Variants in FNBP1 observed in about 807,000 individuals in gnomAD.
FNBP1 encodes the protein formin-binding protein 1.
A neutral mutation model predicts 90.6 loss-of-function variants in FNBP1; 26 were observed. That is an observed-to-expected ratio of 0.29 (90% CI 0.21 to 0.40). The LOEUF (loss-of-function observed/expected upper bound fraction) is 0.40. Among genes scored for constraint, FNBP1 ranks in the 10% least tolerant of loss-of-function variants. The pLI is 1.00. For missense variants in FNBP1, 635 were observed against 768.0 expected (o/e 0.83, Z 2.05); for synonymous variants, 260 against 265.2 (o/e 0.98, Z 0.19).
chr9:130,028,331 T>A lies in FNBP1; in HGVS notation c.24+14621A>T, dbSNP rs531387959. On this transcript the variant is annotated intron_variant, in intron 1 of 16. Transcript: ENST00000446176. Reference sequence around the variant, plus strand: ...ACAACAGAAATCTCAGTCAACAAGGTGTGAACTGAGTAATTCTAAACTTTC... The same window carrying A: ...ACAACAGAAATCTCAGTCAACAAGGAGTGAACTGAGTAATTCTAAACTTTC... Among the ~76,000 whole-genome samples, 7 of 152,286 alleles carry A rather than the reference T, an allele frequency of 4.6e-5. No homozygotes were observed. The East Asian group carries it at 1.4e-3, about 29-fold the overall frequency.
At chr9:129,937,752 A>C (rs1164939355) in intron 6 of FNBP1, among the ~76,000 whole-genome samples, 1 of 152,176 alleles carries the variant, frequency 6.6e-6, no homozygotes, top group Admixed American at 6.6e-5. Context: ...GAATTTTTAA[A>C]GTTTATCAGA....
intron 4 of FNBP1, among the ~76,000 whole-genome samples, chr9:129,969,060 C>A (rs2049040204): frequency 6.6e-6 from 1 of 152,208 alleles, no homozygotes; most frequent in African/African-American, 2.4e-5. Context: ...AAACTCTTTT[C>A]TTCAATAACT....
chr9:129,942,001 G>A (rs1240019615), intron 6 of FNBP1, among the ~76,000 whole-genome samples: 1 of 151,822 alleles, frequency 6.6e-6, no homozygotes. Context: ...AACCTGGGAG[G>A]CGGAGGTTGT....
At chr9:130,043,589 C>T (rs1200212410), upstream of FNBP1, among the ~76,000 whole-genome samples, 2 of 152,254 alleles carry the variant, frequency 1.3e-5, no homozygotes, top group African/African-American at 4.8e-5. Context: ...GCGCGCCGAG[C>T]AGAGTCAGCC....
intron 1 of FNBP1, among the ~76,000 whole-genome samples, chr9:130,025,191 T>C (rs934679727): frequency 4.6e-5 from 7 of 151,064 alleles, no homozygotes; most frequent in Admixed American, 3.3e-4. Flanking sequence ...AAAAAAAAAA[T>C]AGTCCCTGAC....
chr9:129,922,262 C>T (rs924763821), intron 10 of FNBP1, among the ~76,000 whole-genome samples: 12 of 152,306 alleles, frequency 7.9e-5, no homozygotes, highest in Middle Eastern at 3.4e-3. Context: ...TCTCTGTAAA[C>T]GAAACTGGTA....
chr9:129,930,976 TTTTTG>T (rs1357678937), intron 6 of FNBP1, among the ~76,000 whole-genome samples: 1 of 152,188 alleles, frequency 6.6e-6, no homozygotes, highest in Non-Finnish European at 1.5e-5. Flanking sequence ...TGTTTGCTTG[TTTTTG>T]TTTTGTTTTA....
intron 12 of FNBP1, among the ~76,000 whole-genome samples, chr9:129,905,689 T>TG (rs2037900386): frequency 6.6e-6 from 1 of 152,174 alleles, no homozygotes; most frequent in Non-Finnish European, 1.5e-5. Flanking sequence ...CTAAGTGAGC[T>TG]AAGGCTCAGT....
At chr9:130,027,282 C>T (rs1006844517) in intron 1 of FNBP1, among the ~76,000 whole-genome samples, 3 of 152,048 alleles carry the variant, frequency 2.0e-5, no homozygotes, top group Non-Finnish European at 4.4e-5. Context: ...AGACATTAAG[C>T]CATCATGAAG....
intron 4 of FNBP1, among the ~76,000 whole-genome samples, chr9:129,959,123 G>C (rs2047409297): frequency 6.6e-6 from 1 of 151,822 alleles, no homozygotes; most frequent in African/African-American, 2.4e-5. Flanking sequence ...TACAGCTTTA[G>C]GTACAACTGT....
At chr9:129,907,084 C>CA (rs1271858546) in intron 12 of FNBP1, among the ~76,000 whole-genome samples, 11 of 52,192 alleles carry the variant, frequency 2.1e-4, no homozygotes, top group African/African-American at 6.5e-4. Context: ...GGCCCAAGCA[C>CA]GTTTTTTTTT....
intron 10 of FNBP1, chr9:129,916,254 G>C (rs1487319824): frequency 2.2e-6 from 1 of 463,908 alleles, no homozygotes; most frequent in Admixed American, 3.7e-5. Flanking sequence ...TTACAGGCCT[G>C]TACTGGCCAC....
intron 1 of FNBP1, among the ~76,000 whole-genome samples, chr9:130,017,970 G>A (rs2057423312): frequency 7.5e-6 from 1 of 133,458 alleles, no homozygotes; most frequent in Non-Finnish European, 1.6e-5. Flanking sequence ...CTGGAGTGCA[G>A]CGGTGCAATC....
intron 4 of FNBP1, among the ~76,000 whole-genome samples, chr9:129,961,181 C>T (rs1257557275): frequency 2.0e-5 from 3 of 151,956 alleles, no homozygotes; most frequent in Non-Finnish European, 4.4e-5. Flanking sequence ...GGCATGGTGG[C>T]GCATGCCTGT....
In FNBP1 at chr9:129,927,341, T is replaced by G; in HGVS notation, c.643A>C (p.Lys215Gln). Reference protein sequence around the residue: ...YHTHIPNIFQKIQEMEERRIV... With the variant: ...YHTHIPNIFQQIQEMEERRIV... The stretch of plus-strand genomic sequence containing the variant: ...CTCCTTTCCTCCATCTCTTGTATTT[T>G]CTGCAACATTAGATTTTGTATAAAG... Residue 215 changes from lysine (K) to glutamine (Q), a missense_variant and splice_region_variant, in exon 8 of 17, where the codon AAA (lysine) becomes CAA (glutamine). Coordinates refer to ENST00000446176, the MANE Select transcript of FNBP1 (RefSeq NM_015033.3). The G allele has an allele frequency of 6.2e-7, 1 of 1,609,468 alleles. No individual in the cohort carries two copies. Among genetic ancestry groups the G allele is most frequent in the South Asian group, 1.1e-5 (1 of 90,024 alleles).
intron 4 of FNBP1, among the ~76,000 whole-genome samples, chr9:129,971,181 G>A (rs990064942): frequency 1.3e-5 from 2 of 151,862 alleles, no homozygotes; most frequent in East Asian, 1.9e-4. Context: ...GTGAGCCACC[G>A]CGCCTGGCCG....
rs1182327700 is a variant in FNBP1 at position 129,979,384 on chromosome 9, A to C, written c.141-10T>G. 2.5e-6 allele frequency: 4 copies of C among 1,582,940 alleles called. No individual in the cohort carries two copies. Among genetic ancestry groups the C allele is most frequent in the Non-Finnish European group, 3.5e-6 (4 of 1,153,424 alleles). On this transcript the variant is annotated splice_polypyrimidine_tract_variant and intron_variant, in intron 2 of 16. Coordinates refer to ENST00000446176, the MANE Select transcript of FNBP1 (RefSeq NM_015033.3). ...CTTCTTTGAAAGATTCCTGAAATAA[A>C]AATGCAGACATGTCAGCTTTATATA... is the stretch of plus-strand genomic sequence containing the variant.
At chr9:129,999,238 T>C (rs1490475724) in intron 1 of FNBP1, among the ~76,000 whole-genome samples, 1 of 152,160 alleles carries the variant, frequency 6.6e-6, no homozygotes, top group Admixed American at 6.6e-5. Flanking sequence ...TCATCAAAAA[T>C]GCATCCCTTC....
Position 129,929,433 on chromosome 9 carries a change from A to ATT in FNBP1, c.642+133_642+134insAA. 18 of 778,312 alleles carry ATT rather than the reference A, an allele frequency of 2.3e-5. No individual in the cohort carries two copies. The South Asian group carries it at 3.7e-4, about 16-fold the overall frequency. 48.2% of individuals were successfully genotyped at this position (778,312 alleles called of 1,614,324 possible). A position where few individuals can be genotyped will look rare whatever the true frequency, so the allele number is the denominator to read the frequency against. Reference sequence around the variant, plus strand: ...TCAAAAAAAAAAAAAAAAAAAAAAAAAATTAGTGGAAATTTGGAATTATAT... The same window carrying ATT: ...TCAAAAAAAAAAAAAAAAAAAAAAAATTAATTAGTGGAAATTTGGAATTATAT... On this transcript the variant is annotated intron_variant, in intron 7 of 16. Transcript: ENST00000446176.
Sources: gnomAD v4.1 joint callset for allele counts (sites outside exome capture counted in the v4.1 genomes callset) on GRCh38, gnomAD v4.1.1 for gene constraint, MANE v1.5 for transcripts, NCBI Gene and HGNC (gene_info 2026-07-23, HGNC 2026-07-21) for gene names.